STAG1: variants seen among roughly 807,000 people sequenced by gnomAD.
STAG1 encodes STAG1 cohesin complex component, also known as cohesin subunit SA-1.
A neutral mutation model predicts 170.9 loss-of-function variants in STAG1; 26 were observed. The observed-to-expected ratio is 0.15, with a 90% CI of 0.11 to 0.21. The LOEUF (loss-of-function observed/expected upper bound fraction) is 0.21. Ranked by LOEUF, STAG1 falls within the 10% of genes least tolerant of loss-of-function variation. The pLI, the probability that STAG1 is intolerant of heterozygous loss-of-function variation, is 1.00. For missense variants in STAG1, 964 were observed against 1,509.5 expected, an observed-to-expected ratio of 0.64 and a Z score of 5.99; for synonymous variants, 514 against 497.7, an observed-to-expected ratio of 1.03 and a Z score of -0.44.
intron 22 of STAG1, among the ~76,000 whole-genome samples, chr3:136,382,356 G>A (rs1212061414): frequency 6.6e-6 from 1 of 150,570 alleles, no homozygotes; most frequent in Non-Finnish European, 1.5e-5. Flanking sequence ...CTAATTAACA[G>A]TAGTATTTTA....
At chr3:136,417,840 A>T (rs762534838) in intron 21 of STAG1, 45 bp downstream of exon 21, 1 of 1,485,624 alleles carries the variant, frequency 6.7e-7, no homozygotes, top group Non-Finnish European at 9.4e-7. Context: ...CTTCAGAAAA[A>T]CAACTTTCTA....
chr3:136,444,762 A>T (rs1021928913), intron 14 of STAG1, among the ~76,000 whole-genome samples: 1 of 152,160 alleles, frequency 6.6e-6, no homozygotes, highest in Admixed American at 6.5e-5. Context: ...ACCCTTCTAG[A>T]TCTACTATTG....
At chr3:136,602,480 T>A (rs141906962) in intron 4 of STAG1, among the ~76,000 whole-genome samples, 3 of 152,228 alleles carry the variant, frequency 2.0e-5, no homozygotes, top group Non-Finnish European at 4.4e-5. Flanking sequence ...CTGCTTGTAT[T>A]TCTACCTAAA....
At chr3:136,569,165 A>G (rs1937178273) in intron 4 of STAG1, among the ~76,000 whole-genome samples, 2 of 152,102 alleles carry the variant, frequency 1.3e-5, no homozygotes, top group Non-Finnish European at 2.9e-5. Context: ...CCATATTAAG[A>G]AAATGATAAA....
At chr3:136,462,541 G>C (rs1031860948) in intron 13 of STAG1, among the ~76,000 whole-genome samples, 1 of 152,140 alleles carries the variant, frequency 6.6e-6, no homozygotes, top group Non-Finnish European at 1.5e-5. Context: ...GTGGAATAAA[G>C]AGAGGTTGGT....
chr3:136,448,704 T>G (rs2088854022), intron 14 of STAG1, among the ~76,000 whole-genome samples: 1 of 152,138 alleles, frequency 6.6e-6, no homozygotes, highest in South Asian at 2.1e-4. Context: ...TTCGGGAGAC[T>G]GAGGAGGGTG....
At chr3:136,567,654 C>T (rs1282552180) in intron 5 of STAG1, among the ~76,000 whole-genome samples, 9 of 152,184 alleles carry the variant, frequency 5.9e-5, no homozygotes, top group African/African-American at 2.2e-4. Flanking sequence ...GGTGACACAG[C>T]TTGACTCTCA....
At chr3:136,375,490 C>A (rs1376154698) in intron 23 of STAG1, among the ~76,000 whole-genome samples, 2 of 152,112 alleles carry the variant, frequency 1.3e-5, no homozygotes, top group Non-Finnish European at 2.9e-5. Flanking sequence ...TGTCCAACTG[C>A]AGCAAGAGTC....
chr3:136,395,426 C>T (rs967403026), intron 22 of STAG1, among the ~76,000 whole-genome samples: 1 of 152,018 alleles, frequency 6.6e-6, no homozygotes, highest in African/African-American at 2.4e-5. Flanking sequence ...AGTCCAAGAC[C>T]AGCCTGGCCA....
intron 9 of STAG1, among the ~76,000 whole-genome samples, chr3:136,488,489 T>C (rs983473168): frequency 1.3e-5 from 2 of 152,244 alleles, no homozygotes; most frequent in African/African-American, 4.8e-5. Flanking sequence ...TAATTAAAAT[T>C]ATTAGTTTCC....
At chr3:136,570,133 C>G (rs2107763587) in intron 4 of STAG1, among the ~76,000 whole-genome samples, 1 of 152,198 alleles carries the variant, frequency 6.6e-6, no homozygotes, top group African/African-American at 2.4e-5. Flanking sequence ...ATACATACAC[C>G]TGTGTAACCA....
chr3:136,747,862 C>T (rs1375149458), intron 1 of STAG1, among the ~76,000 whole-genome samples: 2 of 150,868 alleles, frequency 1.3e-5, no homozygotes, highest in Non-Finnish European at 3.0e-5. Flanking sequence ...CTGCAAGCTC[C>T]GCCTCCCGGG....
At chr3:136,649,503 CAAAAAA>C (rs761067087) in intron 1 of STAG1, among the ~76,000 whole-genome samples, 1 of 70,882 alleles carries the variant, frequency 1.4e-5, no homozygotes, top group African/African-American at 4.5e-5. Flanking sequence ...AAAACAGAAA[CAAAAAA>C]AAAAAAAAAA....
At chr3:136,679,673 G>A (rs914971005) in intron 1 of STAG1, among the ~76,000 whole-genome samples, 1 of 150,346 alleles carries the variant, frequency 6.7e-6, no homozygotes, top group Admixed American at 6.7e-5. Flanking sequence ...AGCTTGCAGT[G>A]AGCCGAGATA....
chr3:136,723,900 C>T (rs894508137), intron 1 of STAG1, among the ~76,000 whole-genome samples: 5 of 149,684 alleles, frequency 3.3e-5, no homozygotes, highest in African/African-American at 1.2e-4. Context: ...AGCCCCCCGC[C>T]CGGCCAGTCG....
intron 13 of STAG1, among the ~76,000 whole-genome samples, chr3:136,453,634 C>A: frequency 6.6e-6 from 1 of 150,504 alleles, no homozygotes; most frequent in Middle Eastern, 3.5e-3. Flanking sequence ...TATTTCTAGG[C>A]ATTGCTCTAG....
chr3:136,526,992 G>A (rs1935065479), intron 6 of STAG1, among the ~76,000 whole-genome samples: 4 of 152,322 alleles, frequency 2.6e-5, no homozygotes, highest in Admixed American at 2.6e-4. Flanking sequence ...CCCTTTGTGG[G>A]TAACCCGACC....
chr3:136,450,337 A>G (rs888653237), intron 14 of STAG1, among the ~76,000 whole-genome samples: 6 of 152,218 alleles, frequency 3.9e-5, no homozygotes, highest in African/African-American at 1.4e-4. Flanking sequence ...CATTTTAACA[A>G]GATCCTCAGG....
chr3:136,498,225 T>C (rs1484544133), intron 9 of STAG1, among the ~76,000 whole-genome samples: 10 of 56,726 alleles, frequency 1.8e-4, no homozygotes, highest in African/African-American at 7.1e-4. Flanking sequence ...TATATATATA[T>C]ATATATATAC....
Sources: gnomAD v4.1 joint callset for allele counts (sites outside exome capture counted in the v4.1 genomes callset) on GRCh38, gnomAD v4.1.1 for gene constraint, MANE v1.5 for transcripts, NCBI Gene and HGNC (gene_info 2026-07-23, HGNC 2026-07-21) for gene names.